Variants in DOCK10 observed in about 807,000 individuals in gnomAD.
The protein encoded by DOCK10 is dedicator of cytokinesis protein 10.
A neutral mutation model predicts 280.1 loss-of-function variants in DOCK10; 145 were observed. The observed-to-expected ratio is 0.52, with a 90% CI of 0.45 to 0.59. The LOEUF (loss-of-function observed/expected upper bound fraction) is 0.59. Ranked by LOEUF, DOCK10 falls within the 20% of genes least tolerant of loss-of-function variation. The probability of loss-of-function intolerance (pLI) is 0.00; values close to 1 mark genes in which losing one functional copy is unlikely to be tolerated. For synonymous variants in DOCK10, 915 were observed against 942.2 expected, an observed-to-expected ratio of 0.97 and a Z score of 0.53; for missense variants, 2,368 against 2,651.7, an observed-to-expected ratio of 0.89 and a Z score of 2.35.
intron 3 of DOCK10, among the ~76,000 whole-genome samples, chr2:224,896,849 C>T (rs569366815): frequency 2.0e-5 from 3 of 152,304 alleles, no homozygotes; most frequent in African/African-American, 7.2e-5. Flanking sequence ...CTTGCTCTTT[C>T]CAATCATTTT....
intron 11 of DOCK10, among the ~76,000 whole-genome samples, chr2:224,866,045 C>T (rs1375598455): frequency 2.0e-5 from 3 of 152,186 alleles, no homozygotes; most frequent in Non-Finnish European, 4.4e-5. Context: ...CACCGTGCAG[C>T]CATCCAAGTC....
chr2:224,985,559 ATT>A (rs1248597580), intron 1 of DOCK10, among the ~76,000 whole-genome samples: 1 of 151,854 alleles, frequency 6.6e-6, no homozygotes, highest in African/African-American at 2.4e-5. Context: ...TTAACATCTT[ATT>A]GACCAGGGAG....
Position 224,849,520 on chromosome 2 carries a change from TC to T in DOCK10, c.2221del (p.Asp741IlefsTer6). ...TAVLHHSQNP[D>X]FSDEVKIELP... ...GCTAGCTCTTACCTCATCTGAGAAA[TC>T]CGGATTCTGAGAGTGGTGCAGAACT... is the stretch of plus-strand genomic sequence containing the variant. On this transcript the variant is annotated frameshift_variant, in exon 19 of 56. Transcript: ENST00000258390. LOFTEE classifies it high-confidence loss of function. The T allele has an allele frequency of 6.2e-7, 1 of 1,611,346 alleles. No homozygotes were observed. The highest frequency in any genetic ancestry group is 8.5e-7 in the Non-Finnish European group (1 of 1,178,830).
chr2:225,026,910 T>G (rs1689935605), intron 1 of DOCK10, among the ~76,000 whole-genome samples: 6 of 152,200 alleles, frequency 3.9e-5, no homozygotes, highest in African/African-American at 1.4e-4. Flanking sequence ...ATATAGTGAA[T>G]CTCTGTTTAT....
At chr2:224,974,872 A>G (rs939744084) in intron 1 of DOCK10, among the ~76,000 whole-genome samples, 4 of 98,200 alleles carry the variant, frequency 4.1e-5, no homozygotes, top group African/African-American at 8.4e-5. Flanking sequence ...GAGTATATAT[A>G]CGTGTGTGTG....
At position 224,874,675 on chromosome 2, in the gene DOCK10, G is replaced by C. The variant is rs1698512136; in HGVS notation, c.1008C>G (p.Asp336Glu). The C allele has an allele frequency of 1.9e-6, 3 of 1,613,646 alleles. No individual in the cohort carries two copies. Among genetic ancestry groups the C allele is most frequent in the Admixed American group, 1.7e-5 (1 of 59,990 alleles). ...ATGCCAACTTTATTACCTTTGCAAA[G>C]TCTGCGTGTAGGTTGTTCTCTGAAG... ...TDSSENNLHA[D>E]FAKYLTETED... Residue 336 changes from aspartate (D) to glutamate (E), a missense_variant, in exon 9 of 56, where the codon GAC becomes GAG. This residue lies in a region of DOCK10 where 1,209 missense variants were observed against 1,250.9 expected (regional missense o/e 0.97). Coordinates refer to ENST00000258390, the MANE Select transcript of DOCK10 (RefSeq NM_014689.3).
intron 1 of DOCK10, among the ~76,000 whole-genome samples, chr2:225,001,657 G>A (rs1001128835): frequency 2.6e-5 from 4 of 152,192 alleles, no homozygotes; most frequent in African/African-American, 9.7e-5. Flanking sequence ...CTTAGTCCAT[G>A]CAGGCTGCTA....
At chr2:224,825,034 C>A (rs1694754618) in intron 27 of DOCK10, among the ~76,000 whole-genome samples, 1 of 143,700 alleles carries the variant, frequency 7.0e-6, no homozygotes. Context: ...GGCTGGAGTG[C>A]AGTGGTACGA....
At position 225,003,810 on chromosome 2, in the gene DOCK10, A is replaced by T. The variant is rs28693742; in HGVS notation, c.123+38442T>A. ...GATAAAATAAGGCCAGTGACTCCCA[A>T]GCTGCTTTGGGGAAAGAGGCCATCT... On this transcript the variant is annotated intron_variant, in intron 1 of 55. Transcript: ENST00000258390. 9.5e-3 allele frequency among the ~76,000 whole-genome samples: 1,442 copies of T among 152,234 alleles called. 28 individuals are homozygous for T. The highest frequency in any genetic ancestry group is 0.034 in the African/African-American group (1,392 of 41,534).
At chr2:224,934,631 T>C (rs1422184777) in intron 1 of DOCK10, among the ~76,000 whole-genome samples, 1 of 152,212 alleles carries the variant, frequency 6.6e-6, no homozygotes, top group Non-Finnish European at 1.5e-5. Context: ...GACAGATGTA[T>C]ACAAGGATGG....
At chr2:224,816,852 T>C in intron 29 of DOCK10, 139 bp from the exon 30 acceptor site, 1 of 580,718 alleles carries the variant, frequency 1.7e-6, no homozygotes, top group Non-Finnish European at 3.1e-6. Context: ...ACTAGGTAAT[T>C]AAGTTGAAAG....
chr2:224,889,863 C>A (rs1357632433), intron 4 of DOCK10, among the ~76,000 whole-genome samples: 2 of 152,208 alleles, frequency 1.3e-5, no homozygotes, highest in African/African-American at 4.8e-5. Context: ...TCCCCCACTC[C>A]TGTGAGAGGT....
intron 22 of DOCK10, among the ~76,000 whole-genome samples, chr2:224,843,314 G>A (rs1696100139): frequency 1.3e-5 from 2 of 152,300 alleles, no homozygotes; most frequent in South Asian, 2.1e-4. Context: ...AGTGAGAGTC[G>A]AGGTAGAGAG....
At chr2:224,796,504 A>G in intron 43 of DOCK10, 78 bp from the exon 44 acceptor site, 1 of 858,782 alleles carries the variant, frequency 1.2e-6, no homozygotes. Context: ...GGCTGGGTAA[A>G]TGTATTATTA....
chr2:224,946,452 G>T (rs954677391), intron 1 of DOCK10, among the ~76,000 whole-genome samples: 1 of 152,040 alleles, frequency 6.6e-6, no homozygotes, highest in Non-Finnish European at 1.5e-5. Context: ...ATAGAGCAAT[G>T]ACAATTTTTT....
chr2:224,848,693 T>C (rs1696526334), intron 19 of DOCK10, among the ~76,000 whole-genome samples: 1 of 151,994 alleles, frequency 6.6e-6, no homozygotes, highest in Non-Finnish European at 1.5e-5. Flanking sequence ...ACAGCAGGAG[T>C]CTTGGAAGTC....
At chr2:224,816,561 A>G in intron 30 of DOCK10, 56 bp downstream of exon 30, 1 of 1,060,404 alleles carries the variant, frequency 9.4e-7, no homozygotes, top group Non-Finnish European at 1.4e-6. Flanking sequence ...GGTAAAACGA[A>G]CAAACAAAAG....
chr2:224,990,590 TTTGTTGTAG>T (rs142620775), intron 1 of DOCK10, among the ~76,000 whole-genome samples: 7,578 of 149,636 alleles, frequency 0.051, 618 homozygotes, highest in African/African-American at 0.18. Flanking sequence ...GTAAGTAGTT[TTTGTTGTAG>T]TTGTTGTTGT....
intron 18 of DOCK10, among the ~76,000 whole-genome samples, chr2:224,850,030 C>T (rs570821743): frequency 4.6e-4 from 70 of 152,290 alleles, no homozygotes; most frequent in African/African-American, 1.3e-3. Context: ...CAGCATGGTG[C>T]TGGATTTGAC....
Sources: allele counts gnomAD v4.1 joint callset (sites outside exome capture counted in the v4.1 genomes callset), GRCh38; gene constraint gnomAD v4.1.1; regional missense constraint gnomAD v4.1.1; transcripts MANE v1.5; gene names NCBI Gene and HGNC (gene_info 2026-07-23, HGNC 2026-07-21).